Variants in DCLK1 observed in about 807,000 individuals in gnomAD.
The protein encoded by DCLK1 is doublecortin like kinase 1.
Under a neutral mutation model 86.2 loss-of-function variants are expected in DCLK1, and 16 were observed. The ratio of observed to expected loss-of-function variants is 0.19; its 90% CI spans 0.13 to 0.28. The LOEUF is 0.28. Ranked by LOEUF, DCLK1 falls within the 10% of genes least tolerant of loss-of-function variation. The pLI is 1.00. For missense variants in DCLK1, 590 were observed against 940.2 expected (o/e 0.63, Z 4.87); for synonymous variants, 369 against 370.5 (o/e 1.00, Z 0.05).
At chr13:35,871,184 G>C in intron 5 of DCLK1, 40 bp downstream of exon 5, 1 of 1,548,810 alleles carries the variant, frequency 6.5e-7, no homozygotes, top group Non-Finnish European at 8.9e-7. Flanking sequence ...CCTGTGTCAG[G>C]AACAAGGCAA....
intron 5 of DCLK1, among the ~76,000 whole-genome samples, chr13:35,865,515 C>T (rs571125535): frequency 6.6e-6 from 1 of 152,280 alleles, no homozygotes; most frequent in Admixed American, 6.5e-5. Context: ...TTTGCTAGCT[C>T]TGTTTGCCTT....
chr13:35,947,133 T>C (rs1250791517), intron 4 of DCLK1, among the ~76,000 whole-genome samples: 2 of 152,326 alleles, frequency 1.3e-5, no homozygotes, highest in South Asian at 2.1e-4. Flanking sequence ...AATTAGACAT[T>C]AGTTACTTAT....
rs1319516002 is a variant in DCLK1, at chr13:35,903,039, G to A, written c.824-31699C>T. Among the ~76,000 whole-genome samples the A allele has an allele frequency of 5.3e-5, 8 of 152,126 alleles. No individual in the cohort carries two copies. The East Asian group carries it at 7.7e-4, about 15-fold the overall frequency. ...ATTTCAGTGGGAAGAATGGGGCAGGGAAAGAAAATGGCTCTTCAGCAGCCT... is the reference window on the plus strand; with the variant it reads ...ATTTCAGTGGGAAGAATGGGGCAGGAAAAGAAAATGGCTCTTCAGCAGCCT... On this transcript the variant is annotated intron_variant, in intron 4 of 16. Transcript: ENST00000360631.
chr13:36,105,605 CTG>C (rs1044065144), intron 3 of DCLK1, among the ~76,000 whole-genome samples: 1 of 152,190 alleles, frequency 6.6e-6, no homozygotes, highest in African/African-American at 2.4e-5. Flanking sequence ...TTTTTCCTCT[CTG>C]TCATGTTATC....
chr13:36,051,444 G>A (rs771516610), intron 3 of DCLK1, among the ~76,000 whole-genome samples: 16 of 152,012 alleles, frequency 1.1e-4, no homozygotes, highest in Admixed American at 2.6e-4. Flanking sequence ...TTATGTACAA[G>A]TCAATTTTTT....
At chr13:35,811,815 C>T (rs1013333801) in intron 11 of DCLK1, among the ~76,000 whole-genome samples, 4 of 149,444 alleles carry the variant, frequency 2.7e-5, no homozygotes, top group African/African-American at 2.5e-5. Context: ...GCCTGGGCAA[C>T]AAGAGCGAAA....
At chr13:35,816,126 C>T (rs879767209) in intron 11 of DCLK1, among the ~76,000 whole-genome samples, 1 of 152,208 alleles carries the variant, frequency 6.6e-6, no homozygotes. Flanking sequence ...AGGAATTATA[C>T]ATCCCAGGAT....
chr13:36,088,883 A>T (rs1448817944), intron 3 of DCLK1, among the ~76,000 whole-genome samples: 1 of 152,116 alleles, frequency 6.6e-6, no homozygotes, highest in Non-Finnish European at 1.5e-5. Context: ...TAGCACAACC[A>T]TTTCTTCAGA....
At chr13:35,899,221 C>T (rs928477340) in intron 4 of DCLK1, among the ~76,000 whole-genome samples, 2 of 152,006 alleles carry the variant, frequency 1.3e-5, no homozygotes, top group Admixed American at 6.5e-5. Context: ...GAGATGCTAG[C>T]GTCATTGATC....
At chr13:36,019,158 T>C (rs753678580) in intron 3 of DCLK1, among the ~76,000 whole-genome samples, 6 of 152,212 alleles carry the variant, frequency 3.9e-5, no homozygotes, top group Non-Finnish European at 8.8e-5. Flanking sequence ...TTTCTGTCAT[T>C]TTCTCCAACA....
At chr13:35,910,121 A>T (rs1423038839) in intron 4 of DCLK1, among the ~76,000 whole-genome samples, 1 of 152,196 alleles carries the variant, frequency 6.6e-6, no homozygotes, top group Non-Finnish European at 1.5e-5. Context: ...AGTTGAATTT[A>T]TCAAGGAGAC....
At chr13:36,095,151 ATCTC>A (rs1313994536) in intron 3 of DCLK1, among the ~76,000 whole-genome samples, 1 of 143,228 alleles carries the variant, frequency 7.0e-6, no homozygotes, top group Non-Finnish European at 1.5e-5. Flanking sequence ...ATCCTCTGAT[ATCTC>A]TCTATCTCTC....
intron 3 of DCLK1, among the ~76,000 whole-genome samples, chr13:35,976,852 G>A (rs1879372904): frequency 6.6e-6 from 1 of 152,114 alleles, no homozygotes; most frequent in African/African-American, 2.4e-5. Context: ...GGTTTTAAGT[G>A]AGGCATGCCT....
intron 4 of DCLK1, among the ~76,000 whole-genome samples, chr13:35,882,418 A>G (rs1872968621): frequency 6.6e-6 from 1 of 152,214 alleles, no homozygotes; most frequent in East Asian, 1.9e-4. Context: ...CCTTTCAGTG[A>G]CTACTATTTA....
chr13:36,111,539 T>G (rs1029676631), intron 3 of DCLK1, among the ~76,000 whole-genome samples: 3 of 152,226 alleles, frequency 2.0e-5, no homozygotes, highest in Non-Finnish European at 4.4e-5. Context: ...CCTCAGTCAT[T>G]CATTCTTCAG....
chr13:36,089,921 A>C (rs1412595648), intron 3 of DCLK1, among the ~76,000 whole-genome samples: 1 of 152,198 alleles, frequency 6.6e-6, no homozygotes, highest in African/African-American at 2.4e-5. Flanking sequence ...TCAATTGGAG[A>C]GGATTAACAA....
Position 36,125,818 on chromosome 13 carries a change from G to A in DCLK1, c.320C>T (p.Thr107Ile), listed in dbSNP as rs1457106323. ...CTTGAGCCCATCAATGGTGTAGATT[G>A]TTCTCACTCCCTGGGGCAAATTCAC... Reference protein sequence around the residue: ...DNVNLPQGVRTIYTIDGLKKI... With the variant: ...DNVNLPQGVRIIYTIDGLKKI... The change falls in exon 2 of 17, where the codon ACA becomes ATA. Residue 107 changes from threonine to isoleucine, a missense_variant. Around this residue, in one of 6 missense-constraint regions of DCLK1, gnomAD observed 195 missense variants for 365.1 expected, o/e 0.53. Coordinates refer to ENST00000360631, the MANE Select transcript of DCLK1 (RefSeq NM_001330071.2). 6.2e-7 allele frequency: 1 copy of A among 1,611,890 alleles called. No individual in the cohort carries two copies. The highest frequency in any genetic ancestry group is 8.5e-7 in the Non-Finnish European group (1 of 1,179,204).
At chr13:36,097,837 T>G (rs1006403440) in intron 3 of DCLK1, among the ~76,000 whole-genome samples, 1 of 151,866 alleles carries the variant, frequency 6.6e-6, no homozygotes, top group Admixed American at 6.6e-5. Context: ...CAATAAATTG[T>G]GAGCATTCTT....
At chr13:35,881,461 C>T (rs1872897253) in intron 4 of DCLK1, among the ~76,000 whole-genome samples, 1 of 152,194 alleles carries the variant, frequency 6.6e-6, no homozygotes, top group African/African-American at 2.4e-5. Context: ...TCCTACTCCT[C>T]TGCCTGCCTT....
Sources: allele counts gnomAD v4.1 joint callset (sites outside exome capture counted in the v4.1 genomes callset), GRCh38; gene constraint gnomAD v4.1.1; regional missense constraint gnomAD v4.1.1; transcripts MANE v1.5; gene names NCBI Gene and HGNC (gene_info 2026-07-23, HGNC 2026-07-21).